The following TESK2 variants were observed in gnomAD, a reference collection of about 807,000 sequenced individuals.
The protein encoded by TESK2 is testis associated actin remodelling kinase 2.
In TESK2, 39 loss-of-function variants were observed where a neutral mutation model predicts 57.1. The ratio of observed to expected loss-of-function variants is 0.68; its 90% CI spans 0.53 to 0.89. The LOEUF (loss-of-function observed/expected upper bound fraction) is 0.89. Ranked by LOEUF, TESK2 falls within the 40% of genes least tolerant of loss-of-function variation. TESK2 has a pLI of 0.00. For synonymous variants in TESK2, 249 were observed against 267.9 expected (o/e 0.93, Z 0.69); for missense variants, 646 against 732.1 (o/e 0.88, Z 1.36).
intron 3 of TESK2, among the ~76,000 whole-genome samples, chr1:45,394,679 CTTTTTTTTTTTTTTT>C (rs5773871): frequency 1.7e-5 from 1 of 57,400 alleles, no homozygotes; most frequent in African/African-American, 7.4e-5. Flanking sequence ...ACAGGAAACT[CTTTTTTTTTTTTTTT>C]TTTTTTTTTT....
At chr1:45,417,793 G>A (rs925085865) in intron 3 of TESK2, among the ~76,000 whole-genome samples, 1 of 152,000 alleles carries the variant, frequency 6.6e-6, no homozygotes, top group Non-Finnish European at 1.5e-5. Context: ...GGGTTTCACA[G>A]TATTAGCCAG....
At chr1:45,374,629 C>T (rs1301424649) in intron 4 of TESK2, among the ~76,000 whole-genome samples, 1 of 152,028 alleles carries the variant, frequency 6.6e-6, no homozygotes, top group Non-Finnish European at 1.5e-5. Flanking sequence ...AAAATGCCTC[C>T]TTCCAAATCA....
At chr1:45,448,244 AAAAAAAAAAAAG>A (rs1259978470) in intron 2 of TESK2, among the ~76,000 whole-genome samples, 136 of 148,686 alleles carry the variant, frequency 9.1e-4, no homozygotes, top group Non-Finnish European at 1.7e-3. Context: ...TCTCAAAAAA[AAAAAAAAAAAAG>A]AAAAAAGAAA....
intron 7 of TESK2, 148 bp downstream of exon 7, chr1:45,347,461 G>A (rs957192935): frequency 6.8e-6 from 5 of 732,760 alleles, no homozygotes; most frequent in Non-Finnish European, 1.1e-5. Flanking sequence ...AGCTACTTGG[G>A]AAGCTGAGGC....
intron 2 of TESK2, among the ~76,000 whole-genome samples, chr1:45,440,625 A>G (rs1469728409): frequency 1.3e-5 from 2 of 152,034 alleles, no homozygotes; most frequent in Admixed American, 6.6e-5. Flanking sequence ...CTGAGGCAGA[A>G]GAATCACTTA....
Position 45,419,931 on chromosome 1 carries a change from T to C in TESK2, c.344+1794A>G, listed in dbSNP as rs542728401. Among the ~76,000 whole-genome samples, 15 of 152,352 alleles carry C rather than the reference T, an allele frequency of 9.8e-5. 1 individual carries two copies. The South Asian group carries it at 3.1e-3, about 32-fold the overall frequency. Reference sequence around the variant, plus strand: ...CTATATAAGGATAAAAAGTTTCAAGTAAGCAGTATAATTTAATTCCATAAT... The same window carrying C: ...CTATATAAGGATAAAAAGTTTCAAGCAAGCAGTATAATTTAATTCCATAAT... On this transcript the variant is annotated intron_variant, in intron 3 of 10. Transcript: ENST00000372086.
chr1:45,362,737 T>C (rs1319136099), intron 4 of TESK2, among the ~76,000 whole-genome samples: 2 of 152,192 alleles, frequency 1.3e-5, no homozygotes, highest in Admixed American at 6.5e-5. Context: ...AGCAACATGG[T>C]ACTGAGAAAG....
chr1:45,375,369 T>C (rs1283965458), intron 4 of TESK2, among the ~76,000 whole-genome samples: 1 of 151,310 alleles, frequency 6.6e-6, no homozygotes, highest in Non-Finnish European at 1.5e-5. Flanking sequence ...CCTTTGCATA[T>C]ACTATTCCAA....
intron 1 of TESK2, among the ~76,000 whole-genome samples, chr1:45,478,787 A>G (rs781067): frequency 0.99 from 149,781 of 151,782 alleles, 73,935 homozygotes; most frequent in Middle Eastern, 1. Flanking sequence ...GCAGTGGCAC[A>G]ATCTCAGCTC....
chr1:45,482,047 G>A (rs751560776), intron 1 of TESK2, among the ~76,000 whole-genome samples: 29 of 152,138 alleles, frequency 1.9e-4, no homozygotes, highest in Non-Finnish European at 4.1e-4. Flanking sequence ...GATGCTAATC[G>A]TCTCCACGTG....
chr1:45,407,042 G>C (rs1358869358), intron 3 of TESK2, among the ~76,000 whole-genome samples: 2 of 151,994 alleles, frequency 1.3e-5, no homozygotes, highest in Non-Finnish European at 2.9e-5. Flanking sequence ...GGGTAAAATT[G>C]ACATTCAGGG....
At chr1:45,369,596 C>G (rs1648091667) in intron 4 of TESK2, among the ~76,000 whole-genome samples, 1 of 151,998 alleles carries the variant, frequency 6.6e-6, no homozygotes, top group South Asian at 2.1e-4. Flanking sequence ...ACATTATGAT[C>G]AAATGAGTGG....
At chr1:45,375,084 G>T (rs781615623) in intron 4 of TESK2, among the ~76,000 whole-genome samples, 18 of 152,112 alleles carry the variant, frequency 1.2e-4, no homozygotes, top group Non-Finnish European at 2.4e-4. Flanking sequence ...TCTCTTAACT[G>T]GTTTTCCTGC....
chr1:45,360,319 G>A (rs908007065), intron 4 of TESK2, among the ~76,000 whole-genome samples: 7 of 152,110 alleles, frequency 4.6e-5, no homozygotes, highest in African/African-American at 1.4e-4. Context: ...CAAAAGGTAG[G>A]CAGTGGTTCA....
At chr1:45,372,659 G>C (rs1648240231) in intron 4 of TESK2, among the ~76,000 whole-genome samples, 1 of 152,002 alleles carries the variant, frequency 6.6e-6, no homozygotes. Flanking sequence ...CAGGAGGACT[G>C]CTTGAGCCCA....
chr1:45,441,403 C>G, intron 2 of TESK2, among the ~76,000 whole-genome samples: 1 of 151,988 alleles, frequency 6.6e-6, no homozygotes, highest in African/African-American at 2.4e-5. Context: ...TCTCGAACTC[C>G]TGACCTCAGG....
chr1:45,391,216 CTT>C (rs1191605172), intron 3 of TESK2, among the ~76,000 whole-genome samples: 32 of 118,708 alleles, frequency 2.7e-4, no homozygotes, highest in Middle Eastern at 4.7e-3. Flanking sequence ...GCGCCCAGCC[CTT>C]TTTTTTTTTT....
chr1:45,397,207 A>G (rs1649407018), intron 3 of TESK2, among the ~76,000 whole-genome samples: 1 of 152,210 alleles, frequency 6.6e-6, no homozygotes, highest in Non-Finnish European at 1.5e-5. Flanking sequence ...TCCTCATAAT[A>G]ACCCAATGAA....
chr1:45,344,715 G>C lies in TESK2; in HGVS notation c.*125C>G. 2.2e-6 allele frequency: 2 copies of C among 905,034 alleles called. No individual in the cohort carries two copies. The highest frequency in any genetic ancestry group is 3.3e-6 in the Non-Finnish European group (2 of 597,704). The allele number at this position is 905,034 out of a possible 1,614,324, so 56.1% of individuals were successfully genotyped here. A position where few individuals can be genotyped will look rare whatever the true frequency, so the allele number is the denominator to read the frequency against. On this transcript the variant is annotated 3_prime_UTR_variant, in exon 11 of 11. Transcript: ENST00000372086. ...AATGGGCACTGGGAGCCCAGAAGTT[G>C]AGCCTGGCTTGGCCTAGCCTGCCTG...
Sources: gnomAD v4.1 joint callset for allele counts (sites outside exome capture counted in the v4.1 genomes callset) on GRCh38, gnomAD v4.1.1 for gene constraint, MANE v1.5 for transcripts, NCBI Gene and HGNC (gene_info 2026-07-23, HGNC 2026-07-21) for gene names.